B3GALT5: variants seen among roughly 807,000 people sequenced by gnomAD.
B3GALT5 encodes beta-1,3-galactosyltransferase 5.
For synonymous variants in B3GALT5, 156 were observed against 158.6 expected, an observed-to-expected ratio of 0.98 and a Z score of 0.12; for missense variants, 328 against 396.6, an observed-to-expected ratio of 0.83 and a Z score of 1.47.
In B3GALT5 at chr21:39,671,549, G is replaced by T. The variant is rs1193990829; in HGVS notation, c.*10057G>T. Reference sequence around the variant, plus strand: ...ATGGTGGCCTGGGAGTGAGCTGTAAGGTTCCTTCAAACATCAGTTCCTGAA... The same window carrying T: ...ATGGTGGCCTGGGAGTGAGCTGTAATGTTCCTTCAAACATCAGTTCCTGAA... On this transcript the variant is annotated 3_prime_UTR_variant, in exon 4 of 4. Transcript: ENST00000684187. The T allele has an allele frequency of 2.0e-5, 3 of 152,262 alleles. No homozygotes were observed. The highest frequency in any genetic ancestry group is 7.2e-5 in the African/African-American group (3 of 41,548). 9.4% of individuals were successfully genotyped at this position (152,262 alleles called of 1,614,324 possible).
At chr21:39,641,548 G>A (rs1293023248) in intron 1 of B3GALT5, among the ~76,000 whole-genome samples, 1 of 152,082 alleles carries the variant, frequency 6.6e-6, no homozygotes, top group Non-Finnish European at 1.5e-5. Flanking sequence ...TATCTTCATG[G>A]TAAATAATTA....
At position 39,660,925 on chromosome 21, in the gene B3GALT5, G is replaced by A. The variant is rs974575425; in HGVS notation, c.366G>A (p.Lys122=). The stretch of plus-strand genomic sequence containing the variant: ...AGCGACACGGGGACATTATCCAGAA[G>A]GATTTCCTAGACGTCTATTACAATC... ...ESQRHGDIIQ[K]DFLDVYYNLT... Residue 122 remains lysine, a synonymous_variant, in exon 4 of 4, where the codon AAG becomes AAA. Coordinates refer to ENST00000684187, the MANE Select transcript of B3GALT5 (RefSeq NM_001356336.2). The A allele has an allele frequency of 1.9e-6, 3 of 1,608,870 alleles. No homozygotes were observed. Among genetic ancestry groups the A allele is most frequent in the Middle Eastern group, 1.7e-4 (1 of 6,022 alleles).
chr21:39,629,511 CCTG>C (rs59617948), intron 1 of B3GALT5, among the ~76,000 whole-genome samples: 2,073 of 151,926 alleles, frequency 0.014, 48 homozygotes, highest in African/African-American at 0.047. Context: ...TTTTATTATT[CCTG>C]CTATTTTCTA....
chr21:39,620,577 T>C (rs1322765270), intron 1 of B3GALT5, among the ~76,000 whole-genome samples: 2 of 152,218 alleles, frequency 1.3e-5, no homozygotes, highest in African/African-American at 4.8e-5. Flanking sequence ...TGGCTTTCCC[T>C]GGCCAATGAA....
At chr21:39,633,715 A>G (rs896553572) in intron 1 of B3GALT5, among the ~76,000 whole-genome samples, 8 of 152,208 alleles carry the variant, frequency 5.3e-5, no homozygotes, top group African/African-American at 1.9e-4. Context: ...ACCAATGTTC[A>G]GATTGTGCAA....
intron 1 of B3GALT5, among the ~76,000 whole-genome samples, chr21:39,626,454 A>G (rs1285314938): frequency 1.3e-5 from 2 of 152,130 alleles, no homozygotes; most frequent in African/African-American, 4.8e-5. Flanking sequence ...TGGGAGTGGA[A>G]TTGCTGGATT....
chr21:39,642,385 A>T (rs961878629), intron 1 of B3GALT5, among the ~76,000 whole-genome samples: 13 of 152,214 alleles, frequency 8.5e-5, no homozygotes, highest in Non-Finnish European at 1.5e-4. Context: ...AGAGGATGGG[A>T]CATTTCATTT....
intron 1 of B3GALT5, among the ~76,000 whole-genome samples, chr21:39,641,223 T>C (rs2079287482): frequency 1.3e-5 from 2 of 152,218 alleles, no homozygotes; most frequent in South Asian, 4.1e-4. Flanking sequence ...CTCACATTAC[T>C]AAAAACATGA....
chr21:39,614,386 C>G (rs114055378), intron 1 of B3GALT5, among the ~76,000 whole-genome samples: 2,997 of 152,222 alleles, frequency 0.02, 115 homozygotes, highest in African/African-American at 0.069. Flanking sequence ...GGAAGGAGCT[C>G]AGTGTGAGGC....
rs78691061 is a variant in B3GALT5, at chr21:39,663,137, C to T, written c.*1645C>T. On this transcript the variant is annotated 3_prime_UTR_variant, in exon 4 of 4. Transcript: ENST00000684187. The stretch of plus-strand genomic sequence containing the variant: ...GCCCAAATTTAAGAGCCACGCCTCT[C>T]GGTTCCATAGGATGGGCCGCCTCTC... 168 of 152,402 alleles carry T rather than the reference C, an allele frequency of 1.1e-3. No homozygotes were observed. Among genetic ancestry groups the T allele is most frequent in the African/African-American group, 3.9e-3 (163 of 41,576 alleles). 9.4% of individuals were successfully genotyped at this position (152,402 alleles called of 1,614,324 possible).
At chr21:39,625,316 T>C (rs2079158125) in intron 1 of B3GALT5, among the ~76,000 whole-genome samples, 2 of 152,246 alleles carry the variant, frequency 1.3e-5, no homozygotes, top group African/African-American at 4.8e-5. Context: ...TCAGTCGTTC[T>C]GAGCCTGATG....
intron 1 of B3GALT5, among the ~76,000 whole-genome samples, chr21:39,624,669 A>G (rs1602257508): frequency 6.6e-6 from 1 of 152,210 alleles, no homozygotes; most frequent in Admixed American, 6.5e-5. Context: ...TCCATAGACA[A>G]TGCTGCACAG....
chr21:39,613,259 G>A (rs2079090145), intron 1 of B3GALT5, among the ~76,000 whole-genome samples, 192 bp downstream of exon 1: 1 of 152,144 alleles, frequency 6.6e-6, no homozygotes. Context: ...CAGACCAAAT[G>A]TCATCAAACT....
intron 2 of B3GALT5, among the ~76,000 whole-genome samples, chr21:39,652,650 A>T (rs546268555): frequency 6.6e-6 from 1 of 152,370 alleles, no homozygotes; most frequent in African/African-American, 2.4e-5. Flanking sequence ...AATGGAAAAC[A>T]GAGTAGATAT....
chr21:39,628,615 A>T (rs1235578425), intron 1 of B3GALT5, among the ~76,000 whole-genome samples: 2 of 152,256 alleles, frequency 1.3e-5, no homozygotes, highest in Admixed American at 6.5e-5. Context: ...CAACCATGTC[A>T]GTGCTGTGTC....
chr21:39,648,814 C>T (rs1027270511), intron 2 of B3GALT5, among the ~76,000 whole-genome samples: 8 of 151,990 alleles, frequency 5.3e-5, no homozygotes, highest in Non-Finnish European at 8.8e-5. Context: ...GAGGGTGGAG[C>T]GCTCGTGATG....
At chr21:39,656,365 C>T (rs73215499) in intron 2 of B3GALT5, among the ~76,000 whole-genome samples, 243 of 152,316 alleles carry the variant, frequency 1.6e-3, no homozygotes, top group Admixed American at 2.5e-3. Context: ...ACACCCTCCC[C>T]GGGTTTCCTT....
chr21:39,627,525 C>T (rs2079170442), intron 1 of B3GALT5, among the ~76,000 whole-genome samples: 2 of 152,084 alleles, frequency 1.3e-5, no homozygotes, highest in Admixed American at 6.5e-5. Flanking sequence ...GCTGGTTTTG[C>T]TCATGTATTC....
intron 1 of B3GALT5, among the ~76,000 whole-genome samples, chr21:39,624,279 A>G (rs2079152519): frequency 6.6e-6 from 1 of 152,078 alleles, no homozygotes; most frequent in Admixed American, 6.5e-5. Context: ...TTCCCTGGCC[A>G]CCACTTTCAA....
Sources: gnomAD v4.1 joint callset for allele counts (sites outside exome capture counted in the v4.1 genomes callset) on GRCh38, gnomAD v4.1.1 for gene constraint, MANE v1.5 for transcripts, NCBI Gene and HGNC (gene_info 2026-07-23, HGNC 2026-07-21) for gene names.